GPC5: variants seen among roughly 807,000 people sequenced by gnomAD.
GPC5 encodes the protein glypican-5.
A neutral mutation model predicts 53.9 loss-of-function variants in GPC5; 47 were observed. The ratio of observed to expected loss-of-function variants is 0.87; its 90% CI spans 0.69 to 1.11. The LOEUF (loss-of-function observed/expected upper bound fraction) is 1.11. GPC5 is among the 50% of genes most tolerant of loss of function. GPC5 has a pLI of 0.00. For missense variants in GPC5, 748 were observed against 713.1 expected, an observed-to-expected ratio of 1.05 and a Z score of -0.56; for synonymous variants, 286 against 263.3, an observed-to-expected ratio of 1.09 and a Z score of -0.84.
intron 5 of GPC5, among the ~76,000 whole-genome samples, chr13:91,770,736 G>GTGTGTGTGTC (rs2037609720): frequency 6.6e-6 from 1 of 151,064 alleles, no homozygotes; most frequent in South Asian, 2.1e-4. Flanking sequence ...GTGTGTGTGT[G>GTGTGTGTGTC]TGTATGCATA....
In GPC5 at chr13:91,693,847, A is replaced by G. The variant is rs148077029; in HGVS notation, c.986A>G (p.Gln329Arg). ...TTGCTTGTTAATGATGCTGTGTTAC[A>G]GGCTCACCTCAATGGACAAAAATTA... The part of the protein sequence containing the change: ...FHLLVNDAVL[Q>R]AHLNGQKLLE... The change falls in exon 3 of 8, where the codon CAG becomes CGG. Residue 329 changes from glutamine to arginine, a missense_variant. Coordinates refer to ENST00000377067, the MANE Select transcript of GPC5 (RefSeq NM_004466.6). 143 of 1,606,528 alleles carry G rather than the reference A, an allele frequency of 8.9e-5. No homozygotes were observed. In the African/African-American group the frequency reaches 1.6e-3, roughly 18 times the overall value.
At chr13:91,779,549 C>T (rs1431891083) in intron 5 of GPC5, among the ~76,000 whole-genome samples, 1 of 152,020 alleles carries the variant, frequency 6.6e-6, no homozygotes, top group Non-Finnish European at 1.5e-5. Flanking sequence ...TTTGTAGAAG[C>T]AGAGTTTCGC....
At chr13:92,205,524 C>T (rs1039604179) in intron 7 of GPC5, among the ~76,000 whole-genome samples, 1 of 152,146 alleles carries the variant, frequency 6.6e-6, no homozygotes, top group African/African-American at 2.4e-5. Context: ...TTAGAGGTTA[C>T]TTTCTAGAAA....
rs1289458694 is a variant in GPC5 at position 91,674,432 on chromosome 13, CACAT to C, written c.326-18753_326-18750del. 1.2e-3 allele frequency among the ~76,000 whole-genome samples: 181 copies of C among 150,088 alleles called. 1 individual carries two copies. Among genetic ancestry groups the C allele is most frequent in the Non-Finnish European group, 2.4e-3 (164 of 67,600 alleles). ...ATATATACACACACACATATATATACACATATATATATACACATACACACACACA... is the reference window on the plus strand; with the variant it reads ...ATATATACACACACACATATATATACATATATATACACATACACACACACA... On this transcript the variant is annotated intron_variant, in intron 2 of 7. Coordinates refer to ENST00000377067, the MANE Select transcript of GPC5 (RefSeq NM_004466.6).
At chr13:91,442,770 C>T (rs1490521820) in intron 1 of GPC5, among the ~76,000 whole-genome samples, 2 of 152,198 alleles carry the variant, frequency 1.3e-5, no homozygotes, top group African/African-American at 4.8e-5. Context: ...CACTTAAGGT[C>T]TGGTTGTCTC....
intron 6 of GPC5, among the ~76,000 whole-genome samples, chr13:91,970,883 G>A (rs567016970): frequency 1.2e-3 from 184 of 152,274 alleles, no homozygotes; most frequent in Non-Finnish European, 1.9e-3. Flanking sequence ...TTTTATTCAG[G>A]ATTTTTGCAT....
At chr13:92,279,089 C>T (rs754975061) in intron 7 of GPC5, among the ~76,000 whole-genome samples, 4 of 152,012 alleles carry the variant, frequency 2.6e-5, no homozygotes, top group Non-Finnish European at 5.9e-5. Context: ...TTGAGTTGCA[C>T]TGAATCTTCT....
chr13:92,802,339 C>T (rs955064858), intron 7 of GPC5, among the ~76,000 whole-genome samples: 1 of 151,766 alleles, frequency 6.6e-6, no homozygotes, highest in African/African-American at 2.4e-5. Flanking sequence ...TGCCTAATGA[C>T]ATATTTCTCA....
At chr13:91,604,349 T>C (rs1253020151) in intron 2 of GPC5, among the ~76,000 whole-genome samples, 1,943 of 149,748 alleles carry the variant, frequency 0.013, 34 homozygotes, top group African/African-American at 0.046. Flanking sequence ...ATCCAGTCTA[T>C]CATTGTTGGA....
At chr13:92,173,475 C>T (rs1268215320) in intron 7 of GPC5, among the ~76,000 whole-genome samples, 1 of 152,212 alleles carries the variant, frequency 6.6e-6, no homozygotes, top group East Asian at 1.9e-4. Context: ...CATGAGGACA[C>T]TCAGTGGGGA....
intron 7 of GPC5, among the ~76,000 whole-genome samples, chr13:92,724,523 AT>A (rs759671513): frequency 2.6e-5 from 4 of 151,662 alleles, no homozygotes; most frequent in Non-Finnish European, 5.9e-5. Flanking sequence ...ATGGAGTATT[AT>A]TCAGCCTTAC....
chr13:91,959,667 C>A (rs1322004151), intron 6 of GPC5, among the ~76,000 whole-genome samples: 1 of 151,962 alleles, frequency 6.6e-6, no homozygotes, highest in African/African-American at 2.4e-5. Context: ...AAACTAAATT[C>A]CATAGCACAT....
intron 7 of GPC5, among the ~76,000 whole-genome samples, chr13:92,349,247 A>T (rs546581551): frequency 6.6e-6 from 1 of 152,010 alleles, no homozygotes; most frequent in Non-Finnish European, 1.5e-5. Flanking sequence ...AGGTTCAAGC[A>T]ATTCTCCTAT....
At chr13:92,046,021 G>A (rs2040979231) in intron 6 of GPC5, among the ~76,000 whole-genome samples, 1 of 152,042 alleles carries the variant, frequency 6.6e-6, no homozygotes, top group Non-Finnish European at 1.5e-5. Flanking sequence ...TGAGGCAGGA[G>A]AATGGCTTGA....
In GPC5 at chr13:91,592,089, G is replaced by A. The variant is rs149893280; in HGVS notation, c.326-101098G>A. On this transcript the variant is annotated intron_variant, in intron 2 of 7. Transcript: ENST00000377067. ...TGGTGTTTCTTTAATTTGGGTGTAA[G>A]TTGATCATAGTCCATTGGCTTCATT... Among the ~76,000 whole-genome samples the A allele has an allele frequency of 2.6e-3, 393 of 152,318 alleles. 2 individuals carry two copies. Among genetic ancestry groups the A allele is most frequent in the Middle Eastern group, 0.01 (3 of 294 alleles).
intron 5 of GPC5, among the ~76,000 whole-genome samples, chr13:91,771,091 C>A (rs1406597056): frequency 6.6e-6 from 1 of 152,104 alleles, no homozygotes. Flanking sequence ...GTCACCCTGC[C>A]ACTAAATGAA....
intron 7 of GPC5, among the ~76,000 whole-genome samples, chr13:92,622,503 C>G (rs994994232): frequency 6.6e-6 from 1 of 152,118 alleles, no homozygotes; most frequent in Admixed American, 6.5e-5. Flanking sequence ...TGGATTAACA[C>G]GAGATGAGGC....
chr13:91,953,767 TCTCATGGCCAAAG>T (rs1261369425), intron 6 of GPC5, among the ~76,000 whole-genome samples: 1 of 152,156 alleles, frequency 6.6e-6, no homozygotes, highest in Non-Finnish European at 1.5e-5. Flanking sequence ...TGCTGTGCCT[TCTCATGGCCAAAG>T]GGCCTAGCTA....
chr13:92,839,302 CTT>C (rs750234795), intron 7 of GPC5, among the ~76,000 whole-genome samples: 1 of 152,148 alleles, frequency 6.6e-6, no homozygotes, highest in South Asian at 2.1e-4. Flanking sequence ...TGTATTTTCT[CTT>C]GTTTTAACTT....
Sources: allele counts gnomAD v4.1 joint callset (sites outside exome capture counted in the v4.1 genomes callset), GRCh38; gene constraint gnomAD v4.1.1; transcripts MANE v1.5; gene names NCBI Gene and HGNC (gene_info 2026-07-23, HGNC 2026-07-21).